FLACC1: variants seen among roughly 807,000 people sequenced by gnomAD.
FLACC1 encodes flagellum-associated coiled-coil domain-containing protein 1.
Under a neutral mutation model 62.8 loss-of-function variants are expected in FLACC1, and 66 were observed. The observed-to-expected ratio is 1.05, with a 90% CI of 0.86 to 1.29. The LOEUF is 1.29. FLACC1 is among the 50% of genes most tolerant of loss of function. The pLI, the probability that FLACC1 is intolerant of heterozygous loss-of-function variation, is 0.00. For synonymous variants in FLACC1, 156 were observed against 161.0 expected, an observed-to-expected ratio of 0.97 and a Z score of 0.24; for missense variants, 452 against 489.1, an observed-to-expected ratio of 0.92 and a Z score of 0.71.
chr2:201,304,623 A>G (rs1950062089), intron 11 of FLACC1, among the ~76,000 whole-genome samples: 1 of 152,216 alleles, frequency 6.6e-6, no homozygotes, highest in Non-Finnish European at 1.5e-5. Context: ...CTGTATTGCC[A>G]AGACAATCCT....
chr2:201,322,679 A>G (rs1330838683), intron 9 of FLACC1, among the ~76,000 whole-genome samples: 1 of 152,180 alleles, frequency 6.6e-6, no homozygotes, highest in African/African-American at 2.4e-5. Context: ...ATATGAAAAA[A>G]CAGGGTTCTA....
At chr2:201,292,199 A>C (rs1203268094) in intron 12 of FLACC1, among the ~76,000 whole-genome samples, 1 of 152,224 alleles carries the variant, frequency 6.6e-6, no homozygotes, top group African/African-American at 2.4e-5. Context: ...CTCCTCGAGA[A>C]GAGCAACTCC....
At chr2:201,309,373 C>T (rs1950169889) in intron 9 of FLACC1, 123 bp from the exon 10 acceptor site, 1 of 722,786 alleles carries the variant, frequency 1.4e-6, no homozygotes, top group Non-Finnish European at 2.4e-6. Context: ...GGCCCATCAC[C>T]ATGTTCTGTG....
intron 3 of FLACC1, among the ~76,000 whole-genome samples, chr2:201,350,195 G>A (rs1950996700): frequency 6.6e-6 from 1 of 152,172 alleles, no homozygotes; most frequent in Non-Finnish European, 1.5e-5. Context: ...GACCAGCCTG[G>A]CCAACATGGT....
chr2:201,335,654 T>C (rs1950680067), intron 7 of FLACC1, among the ~76,000 whole-genome samples: 1 of 152,164 alleles, frequency 6.6e-6, no homozygotes. Context: ...TTTGGCTATT[T>C]GGGGACTTTG....
At chr2:201,336,148 C>G (rs1043639232) in intron 7 of FLACC1, among the ~76,000 whole-genome samples, 5 of 152,112 alleles carry the variant, frequency 3.3e-5, no homozygotes, top group African/African-American at 1.2e-4. Context: ...CTTGAACCCT[C>G]ACTCTCCTCC....
chr2:201,322,905 A>C (rs1950432076), intron 9 of FLACC1, among the ~76,000 whole-genome samples: 1 of 152,162 alleles, frequency 6.6e-6, no homozygotes, highest in Admixed American at 6.5e-5. Context: ...AAACAATAAG[A>C]ATTTCTAGAA....
chr2:201,357,455 T>A (rs1951138582), upstream of FLACC1: 1 of 152,180 alleles, frequency 6.6e-6, no homozygotes, highest in Non-Finnish European at 1.5e-5. Context: ...AGAGAGAAGG[T>A]TGGGAGAAAC....
At chr2:201,307,448 G>T in intron 11 of FLACC1, 71 bp downstream of exon 11, 1 of 1,104,596 alleles carries the variant, frequency 9.1e-7, no homozygotes, top group Admixed American at 1.9e-5. Flanking sequence ...AATTATGGAG[G>T]CACACCTGGG....
upstream of FLACC1, among the ~76,000 whole-genome samples, chr2:201,358,583 AT>A: frequency 1.3e-5 from 2 of 151,178 alleles, no homozygotes. Flanking sequence ...CGCCCGGCTA[AT>A]TTTTTTGTAT....
intron 6 of FLACC1, among the ~76,000 whole-genome samples, chr2:201,342,889 G>A (rs1235075474): frequency 6.6e-6 from 1 of 152,226 alleles, no homozygotes; most frequent in Admixed American, 6.5e-5. Flanking sequence ...CTTGTTGACA[G>A]TATAGTTCCA....
chr2:201,335,678 A>G (rs1351095036), intron 7 of FLACC1, among the ~76,000 whole-genome samples: 3 of 152,098 alleles, frequency 2.0e-5, no homozygotes, highest in African/African-American at 7.2e-5. Flanking sequence ...GTCCATATGA[A>G]TTTTAAGATT....
chr2:201,293,691 T>TA, intron 12 of FLACC1, among the ~76,000 whole-genome samples: 1 of 151,648 alleles, frequency 6.6e-6, no homozygotes, highest in East Asian at 1.9e-4. Context: ...CTGAAGGAGA[T>TA]AGAGACACAA....
At chr2:201,348,423 G>A in intron 3 of FLACC1, 121 bp from the exon 4 acceptor site, 1 of 971,536 alleles carries the variant, frequency 1.0e-6, no homozygotes, top group East Asian at 2.7e-5. Context: ...CTTCTTAGGG[G>A]ATCCCTAGGA....
At chr2:201,347,568 G>A (rs186752184) in intron 4 of FLACC1, among the ~76,000 whole-genome samples, 87 of 150,448 alleles carry the variant, frequency 5.8e-4, no homozygotes, top group African/African-American at 2.0e-3. Context: ...AATAATAGGT[G>A]GTCAATAAAT....
intron 11 of FLACC1, among the ~76,000 whole-genome samples, chr2:201,301,351 T>C (rs1949978224): frequency 2.0e-5 from 3 of 152,148 alleles, no homozygotes; most frequent in Admixed American, 1.3e-4. Context: ...ATCAAATGAA[T>C]GAAATGAAGC....
chr2:201,346,692 A>G lies in FLACC1; in HGVS notation c.235-17T>C. The G allele has an allele frequency of 6.2e-7, 1 of 1,613,858 alleles. No individual in the cohort carries two copies. Among genetic ancestry groups the G allele is most frequent in the Non-Finnish European group, 8.5e-7 (1 of 1,179,970 alleles). ...GATCACTTCCTAGGCATCAAGGGAAAGTAAGATAAAATGGCAGACTTGGAG... is the reference window on the plus strand; with the variant it reads ...GATCACTTCCTAGGCATCAAGGGAAGGTAAGATAAAATGGCAGACTTGGAG... On this transcript the variant is annotated splice_polypyrimidine_tract_variant and intron_variant, in intron 4 of 14. Transcript: ENST00000392257. The surrounding 1 kb of genome is among the most constrained non-coding windows in gnomAD (Gnocchi z 4.0).
At chr2:201,357,932 A>G (rs1473758559), upstream of FLACC1, among the ~76,000 whole-genome samples, 2 of 152,302 alleles carry the variant, frequency 1.3e-5, no homozygotes, top group African/African-American at 4.8e-5. Context: ...ATTTTGTAAT[A>G]AAAAAATTTC....
chr2:201,342,623 A>AT (rs1463002173), intron 6 of FLACC1, among the ~76,000 whole-genome samples, 192 bp from the exon 7 acceptor site: 1 of 152,160 alleles, frequency 6.6e-6, no homozygotes, highest in African/African-American at 2.4e-5. Flanking sequence ...GAACAGAACA[A>AT]TTTGTGCCTT....
Sources: gnomAD v4.1 joint callset for allele counts (sites outside exome capture counted in the v4.1 genomes callset) on GRCh38, gnomAD v4.1.1 for gene constraint, Gnocchi (gnomAD v3.1) non-coding constraint, MANE v1.5 for transcripts, NCBI Gene and HGNC (gene_info 2026-07-23, HGNC 2026-07-21) for gene names.